The following MGAT4C variants were observed in gnomAD, a reference collection of about 807,000 sequenced individuals.
MGAT4C encodes alpha-1,3-mannosyl-glycoprotein 4-beta-N-acetylglucosaminyltransferase C.
Under a neutral mutation model 40.1 loss-of-function variants are expected in MGAT4C, and 19 were observed. The ratio of observed to expected loss-of-function variants is 0.47; its 90% CI spans 0.33 to 0.70. The LOEUF (loss-of-function observed/expected upper bound fraction) is 0.70, where lower values mean the gene tolerates loss of function less well. Among genes scored for constraint, MGAT4C ranks in the 30% least tolerant of loss-of-function variants. MGAT4C has a pLI of 0.02. For missense variants in MGAT4C, 491 were observed against 563.2 expected (o/e 0.87, Z 1.30); for synonymous variants, 181 against 187.1 (o/e 0.97, Z 0.27).
chr12:86,343,402 C>T (rs1335682739), intron 3 of MGAT4C, among the ~76,000 whole-genome samples: 2 of 152,078 alleles, frequency 1.3e-5, no homozygotes, highest in Non-Finnish European at 2.9e-5. Context: ...TTTTCTCCTC[C>T]CTTATGGAAT....
chr12:86,530,784 C>T (rs550116922), intron 2 of MGAT4C, among the ~76,000 whole-genome samples: 1 of 151,930 alleles, frequency 6.6e-6, no homozygotes, highest in Non-Finnish European at 1.5e-5. Flanking sequence ...AGAAACTGTC[C>T]TGCTAAAGGC....
intron 2 of MGAT4C, among the ~76,000 whole-genome samples, chr12:86,610,519 C>T (rs1593041345): frequency 6.6e-6 from 1 of 151,672 alleles, no homozygotes; most frequent in African/African-American, 2.4e-5. Flanking sequence ...TGGAAGCAGA[C>T]ACCAAGGAAG....
At chr12:86,477,694 C>T (rs1206331044) in intron 2 of MGAT4C, among the ~76,000 whole-genome samples, 1 of 152,024 alleles carries the variant, frequency 6.6e-6, no homozygotes, top group South Asian at 2.1e-4. Context: ...GTGCTGCACC[C>T]ATTAACTCGT....
At chr12:86,222,882 G>A (rs1018642849) in intron 1 of MGAT4C, among the ~76,000 whole-genome samples, 18 of 152,246 alleles carry the variant, frequency 1.2e-4, no homozygotes, top group African/African-American at 3.9e-4. Context: ...AGAAGCTTCC[G>A]GATGTGAGGT....
chr12:86,481,909 C>A (rs1016872899), intron 2 of MGAT4C, among the ~76,000 whole-genome samples: 21 of 151,724 alleles, frequency 1.4e-4, no homozygotes, highest in Non-Finnish European at 2.8e-4. Flanking sequence ...TGAGCCACCA[C>A]CTGTATTTAA....
chr12:86,354,724 G>A (rs1955267687), intron 3 of MGAT4C, among the ~76,000 whole-genome samples: 1 of 152,170 alleles, frequency 6.6e-6, no homozygotes, highest in Non-Finnish European at 1.5e-5. Context: ...TCTCTAAAAA[G>A]TATGCAACAA....
chr12:86,704,685 T>G (rs1030397239), intron 2 of MGAT4C, among the ~76,000 whole-genome samples: 17 of 152,248 alleles, frequency 1.1e-4, no homozygotes, highest in Admixed American at 4.6e-4. Flanking sequence ...CAACATTTGT[T>G]GACAGTAAAC....
chr12:86,049,113 A>G (rs1249989364), intron 2 of MGAT4C, among the ~76,000 whole-genome samples: 1 of 152,110 alleles, frequency 6.6e-6, no homozygotes, highest in Admixed American at 6.6e-5. Context: ...TAAATGTGTG[A>G]GTAAATCTCA....
intron 2 of MGAT4C, among the ~76,000 whole-genome samples, chr12:86,041,615 G>A (rs1246167834): frequency 6.6e-6 from 1 of 152,108 alleles, no homozygotes; most frequent in Non-Finnish European, 1.5e-5. Flanking sequence ...TAATTTCCAT[G>A]TAATTACATG....
intron 2 of MGAT4C, among the ~76,000 whole-genome samples, chr12:86,717,249 T>C (rs1950659125): frequency 1.3e-5 from 2 of 151,200 alleles, no homozygotes; most frequent in East Asian, 3.9e-4. Flanking sequence ...CTACACAGAG[T>C]TCATTCTTAA....
chr12:86,459,303 T>C (rs960416402), intron 2 of MGAT4C, among the ~76,000 whole-genome samples: 7 of 152,096 alleles, frequency 4.6e-5, no homozygotes, highest in Non-Finnish European at 7.4e-5. Context: ...GTGAATAGAA[T>C]GGCAATATCA....
chr12:86,553,736 C>G (rs944207723), intron 2 of MGAT4C, among the ~76,000 whole-genome samples: 2 of 152,146 alleles, frequency 1.3e-5, no homozygotes, highest in African/African-American at 4.8e-5. Flanking sequence ...ATAAAGCTAG[C>G]TCTCTCAAAT....
intron 4 of MGAT4C, among the ~76,000 whole-genome samples, chr12:86,304,383 CTACTT>C (rs1953884993): frequency 6.6e-6 from 1 of 150,426 alleles, no homozygotes; most frequent in African/African-American, 2.5e-5. Flanking sequence ...TTTACATACT[CTACTT>C]TCTATCTGAT....
At chr12:86,356,600 G>C (rs985953964) in intron 3 of MGAT4C, among the ~76,000 whole-genome samples, 6 of 152,142 alleles carry the variant, frequency 3.9e-5, no homozygotes, top group Non-Finnish European at 7.3e-5. Context: ...ATGGTACCTG[G>C]AAAATCGGAT....
chr12:86,717,339 AC>A (rs1378610616), intron 2 of MGAT4C, among the ~76,000 whole-genome samples: 27 of 152,112 alleles, frequency 1.8e-4, no homozygotes, highest in Non-Finnish European at 1.5e-5. Flanking sequence ...CATTGATACT[AC>A]AAGAGAAAGC....
intron 4 of MGAT4C, among the ~76,000 whole-genome samples, chr12:86,311,943 C>A (rs1328632310): frequency 1.3e-5 from 2 of 152,202 alleles, no homozygotes; most frequent in African/African-American, 4.8e-5. Flanking sequence ...GGGACCAAGT[C>A]ATGGGGCTTT....
intron 3 of MGAT4C, among the ~76,000 whole-genome samples, chr12:86,341,839 C>G (rs903105499): frequency 6.6e-6 from 1 of 152,176 alleles, no homozygotes; most frequent in South Asian, 2.1e-4. Flanking sequence ...AGCTCTCCAG[C>G]CATCAGACAT....
At chr12:86,613,123 T>C (rs1185941069) in intron 2 of MGAT4C, among the ~76,000 whole-genome samples, 2 of 152,134 alleles carry the variant, frequency 1.3e-5, no homozygotes, top group African/African-American at 4.8e-5. Context: ...ATATCTAAAT[T>C]AAAACACCAA....
chr12:86,251,546 T>C (rs189219046), intron 1 of MGAT4C, among the ~76,000 whole-genome samples: 1 of 152,172 alleles, frequency 6.6e-6, no homozygotes, highest in Admixed American at 6.6e-5. Flanking sequence ...GATCATAGCC[T>C]CTTCTGTACT....
Sources: gnomAD v4.1 joint callset for allele counts (sites outside exome capture counted in the v4.1 genomes callset) on GRCh38, gnomAD v4.1.1 for gene constraint, MANE v1.5 for transcripts, NCBI Gene and HGNC (gene_info 2026-07-23, HGNC 2026-07-21) for gene names.